Variants in FLRT2 observed in about 807,000 individuals in gnomAD.
FLRT2 encodes fibronectin leucine rich transmembrane protein 2.
FLRT2 carries 15 observed loss-of-function variants against 40.0 expected under a neutral mutation model. The observed-to-expected ratio is 0.38, with a 90% confidence interval of 0.25 to 0.58. FLRT2 has a LOEUF of 0.58. Among genes scored for constraint, FLRT2 ranks in the 20% least tolerant of loss-of-function variants. FLRT2 has a pLI of 0.71. For missense variants in FLRT2, 726 were observed against 840.0 expected (o/e 0.86, Z 1.68); for synonymous variants, 380 against 336.8 (o/e 1.13, Z -1.41).
In FLRT2 at chr14:85,633,833, T is replaced by G. The variant is rs1311148538; in HGVS notation, c.*10336T>G. 2.6e-5 allele frequency: 4 copies of G among 152,010 alleles called. No individual in the cohort carries two copies. The highest frequency in any genetic ancestry group is 5.9e-5 in the Non-Finnish European group (4 of 68,030). The allele number at this position is 152,010 out of a possible 1,614,324, so 9.4% of individuals were successfully genotyped here. On this transcript the variant is annotated 3_prime_UTR_variant, in exon 2 of 2. Transcript: ENST00000330753. ...AAAAAAAGTAATAAATTTCTGATAT[T>G]GTTTCAAAAATCTATAATTTCTAGT...
At chr14:85,536,307 T>A (rs1409670424) in intron 1 of FLRT2, among the ~76,000 whole-genome samples, 1 of 149,378 alleles carries the variant, frequency 6.7e-6, no homozygotes, top group Non-Finnish European at 1.5e-5. Flanking sequence ...AGAGACCCAG[T>A]GTGAACATCT....
intron 1 of FLRT2, among the ~76,000 whole-genome samples, chr14:85,595,323 A>G (rs1349084618): frequency 6.6e-6 from 1 of 152,038 alleles, no homozygotes; most frequent in Non-Finnish European, 1.5e-5. Flanking sequence ...TCAAGTGCTG[A>G]TGTTTACAGT....
chr14:85,586,004 C>A (rs1019605955), intron 1 of FLRT2, among the ~76,000 whole-genome samples: 3 of 148,090 alleles, frequency 2.0e-5, no homozygotes, highest in African/African-American at 7.4e-5. Flanking sequence ...TCATTAAAAG[C>A]ATATATTTTA....
chr14:85,573,767 G>T (rs1383186772), intron 1 of FLRT2, among the ~76,000 whole-genome samples: 1 of 152,220 alleles, frequency 6.6e-6, no homozygotes, highest in East Asian at 1.9e-4. Context: ...TAGTGAAGTA[G>T]TCCAGGACAG....
At position 85,635,702 on chromosome 14, in the gene FLRT2, A is replaced by G. The variant is rs925763490; in HGVS notation, c.*12205A>G. 1 of 152,118 alleles carries G rather than the reference A, an allele frequency of 6.6e-6. No individual in the cohort carries two copies. The highest frequency in any genetic ancestry group is 1.5e-5 in the Non-Finnish European group (1 of 67,970). 9.4% of individuals were successfully genotyped at this position (152,118 alleles called of 1,614,324 possible). A position where few individuals can be genotyped will look rare whatever the true frequency, so the allele number is the denominator to read the frequency against. ...ACTTTTATCTGAACCTTGAACAAACATACAATTATGGTTTAAAAAAAAGAA... is the reference window on the plus strand; with the variant it reads ...ACTTTTATCTGAACCTTGAACAAACGTACAATTATGGTTTAAAAAAAAGAA... On this transcript the variant is annotated 3_prime_UTR_variant, in exon 2 of 2. Coordinates refer to ENST00000330753, the MANE Select transcript of FLRT2 (RefSeq NM_013231.6).
At chr14:85,602,383 T>C (rs143298525) in intron 1 of FLRT2, among the ~76,000 whole-genome samples, 1 of 152,198 alleles carries the variant, frequency 6.6e-6, no homozygotes, top group Non-Finnish European at 1.5e-5. Context: ...CACTACTGGC[T>C]TTGCTCCCTG....
chr14:85,563,175 T>C (rs1034268643), intron 1 of FLRT2: 7 of 152,148 alleles, frequency 4.6e-5, no homozygotes, highest in African/African-American at 1.7e-4. Context: ...TGCCTGGCAA[T>C]TACAGAAGCC....
At chr14:85,586,885 A>C (rs1280509404) in intron 1 of FLRT2, among the ~76,000 whole-genome samples, 5 of 152,218 alleles carry the variant, frequency 3.3e-5, no homozygotes, top group Admixed American at 2.6e-4. Flanking sequence ...TCTCAAAGTC[A>C]GAAGAAAGAA....
At chr14:85,577,922 G>T (rs985465420) in intron 1 of FLRT2, among the ~76,000 whole-genome samples, 4 of 151,516 alleles carry the variant, frequency 2.6e-5, no homozygotes, top group Non-Finnish European at 5.9e-5. Flanking sequence ...AATAGGACTT[G>T]CGCGAGAAGG....
At chr14:85,544,381 G>T (rs182817697) in intron 1 of FLRT2, among the ~76,000 whole-genome samples, 17 of 152,332 alleles carry the variant, frequency 1.1e-4, no homozygotes, top group Admixed American at 4.6e-4. Flanking sequence ...GTTTTCCACA[G>T]AATGAGAAAT....
chr14:85,603,576 G>A (rs1892474960), intron 1 of FLRT2, among the ~76,000 whole-genome samples: 1 of 152,020 alleles, frequency 6.6e-6, no homozygotes, highest in Admixed American at 6.6e-5. Flanking sequence ...AGGTAATTAA[G>A]ACCTGGATTG....
intron 1 of FLRT2, among the ~76,000 whole-genome samples, chr14:85,602,190 C>T (rs1595073413): frequency 1.3e-5 from 2 of 152,176 alleles, no homozygotes; most frequent in East Asian, 3.9e-4. Flanking sequence ...CCTGTAAATG[C>T]ATGCATAAAT....
rs558184984 is a variant in FLRT2 at position 85,650,779 on chromosome 14, A to G, written c.*27282A>G. ...TCTTCATTTTTTCTCTTACTGGTTC[A>G]TATTCTCTATACATGCTGAATGGTG... On this transcript the variant is annotated 3_prime_UTR_variant, in exon 2 of 2. Coordinates refer to ENST00000330753, the MANE Select transcript of FLRT2 (RefSeq NM_013231.6). The G allele has an allele frequency of 6.6e-6, 1 of 151,240 alleles. No homozygotes were observed. The highest frequency in any genetic ancestry group is 2.4e-5 in the African/African-American group (1 of 41,084). The allele number at this position is 151,240 out of a possible 1,614,324, so 9.4% of individuals were successfully genotyped here.
At chr14:85,538,499 C>T (rs986408440) in intron 1 of FLRT2, among the ~76,000 whole-genome samples, 5 of 151,724 alleles carry the variant, frequency 3.3e-5, no homozygotes, top group African/African-American at 1.2e-4. Context: ...AGGGAATGTG[C>T]AAGAAACTTG....
At chr14:85,539,545 G>A (rs1888861702) in intron 1 of FLRT2, among the ~76,000 whole-genome samples, 1 of 152,040 alleles carries the variant, frequency 6.6e-6, no homozygotes. Context: ...GATTGCTTTG[G>A]GGGAAGGAAA....
At position 85,639,883 on chromosome 14, in the gene FLRT2, CTG is replaced by C. The variant is rs1455327303; in HGVS notation, c.*16388_*16389del. ...TTTTTTTTTGAGACAGTGTCTCGCT[CTG>C]TCCCCCAGGCCAGAGTGCAGCGGCG... On this transcript the variant is annotated 3_prime_UTR_variant, in exon 2 of 2. Transcript: ENST00000330753. 7.7e-6 allele frequency: 1 copy of C among 129,416 alleles called. No homozygotes were observed. The highest frequency in any genetic ancestry group is 1.6e-5 in the Non-Finnish European group (1 of 63,846). 8.0% of individuals were successfully genotyped at this position (129,416 alleles called of 1,614,324 possible). A position where few individuals can be genotyped will look rare whatever the true frequency, so the allele number is the denominator to read the frequency against.
In FLRT2 at chr14:85,606,822, G is replaced by A. The variant is rs1375966486; in HGVS notation, c.-376-14317G>A. Among the ~76,000 whole-genome samples the A allele has an allele frequency of 3.3e-5, 5 of 150,890 alleles. No individual in the cohort carries two copies. In the East Asian group the frequency reaches 9.9e-4, roughly 30 times the overall value. The stretch of plus-strand genomic sequence containing the variant: ...ACAGCTTGAGCCACCGCACCCGGCC[G>A]TTAGCTGTTACTCTTATTTCCATGC... On this transcript the variant is annotated intron_variant, in intron 1 of 1. Transcript: ENST00000330753.
At chr14:85,583,361 A>G (rs537580346) in intron 1 of FLRT2, among the ~76,000 whole-genome samples, 119 of 152,350 alleles carry the variant, frequency 7.8e-4, no homozygotes, top group African/African-American at 2.8e-3. Flanking sequence ...ACCCATTCAG[A>G]AGCCTTGCAG....
chr14:85,583,476 G>C (rs1157861974), intron 1 of FLRT2, among the ~76,000 whole-genome samples: 1 of 152,104 alleles, frequency 6.6e-6, no homozygotes, highest in East Asian at 1.9e-4. Flanking sequence ...TTCAAATGTG[G>C]ATTAAAGCAA....
Sources: gnomAD v4.1 joint callset for allele counts (sites outside exome capture counted in the v4.1 genomes callset) on GRCh38, gnomAD v4.1.1 for gene constraint, MANE v1.5 for transcripts, NCBI Gene and HGNC (gene_info 2026-07-23, HGNC 2026-07-21) for gene names.